The following CNTNAP5 variants were observed in gnomAD, a reference collection of about 807,000 sequenced individuals.
CNTNAP5 encodes contactin associated protein family member 5, also known as contactin-associated protein-like 5.
CNTNAP5 carries 72 observed loss-of-function variants against 150.2 expected under a neutral mutation model. The observed-to-expected ratio is 0.48, with a 90% confidence interval of 0.40 to 0.58. The LOEUF is 0.58. Ranked by LOEUF, CNTNAP5 falls within the 20% of genes least tolerant of loss-of-function variation. The probability of loss-of-function intolerance (pLI) is 0.00; values close to 1 mark genes in which losing one functional copy is unlikely to be tolerated. For synonymous variants in CNTNAP5, 672 were observed against 619.8 expected (o/e 1.08, Z -1.25); for missense variants, 1,636 against 1,626.2 (o/e 1.01, Z -0.10).
intron 14 of CNTNAP5, among the ~76,000 whole-genome samples, chr2:124,758,173 TGAA>T (rs1184230890): frequency 6.6e-6 from 1 of 151,958 alleles, no homozygotes; most frequent in Non-Finnish European, 1.5e-5. Flanking sequence ...TGGAGAGATA[TGAA>T]GAAGGTGAAA....
intron 3 of CNTNAP5, among the ~76,000 whole-genome samples, chr2:124,248,707 G>A (rs1269070624): frequency 6.6e-6 from 1 of 152,182 alleles, no homozygotes; most frequent in African/African-American, 2.4e-5. Flanking sequence ...TCTTTAAGGA[G>A]TAAATGCACT....
chr2:124,841,323 T>C (rs1682940439), intron 19 of CNTNAP5, among the ~76,000 whole-genome samples: 1 of 151,966 alleles, frequency 6.6e-6, no homozygotes, highest in Non-Finnish European at 1.5e-5. Flanking sequence ...TACTTTCTTC[T>C]ACTTCTTCCA....
chr2:124,264,889 A>G (rs1299371025), intron 3 of CNTNAP5, among the ~76,000 whole-genome samples: 1 of 152,174 alleles, frequency 6.6e-6, no homozygotes, highest in Non-Finnish European at 1.5e-5. Flanking sequence ...CGTGTATCTG[A>G]GTCTGTGTCT....
chr2:124,660,159 C>A (rs1294322690), intron 13 of CNTNAP5, among the ~76,000 whole-genome samples: 1 of 152,124 alleles, frequency 6.6e-6, no homozygotes, highest in Non-Finnish European at 1.5e-5. Flanking sequence ...GATTAACTCA[C>A]CTTCTTTCAC....
intron 11 of CNTNAP5, among the ~76,000 whole-genome samples, chr2:124,584,522 C>A (rs1346946957): frequency 1.3e-5 from 2 of 152,130 alleles, no homozygotes; most frequent in Non-Finnish European, 2.9e-5. Context: ...TTTCCTCAAA[C>A]CTCATGTGAA....
At chr2:124,056,928 A>T (rs1213961) in intron 1 of CNTNAP5, among the ~76,000 whole-genome samples, 150,988 of 152,302 alleles carry the variant, frequency 0.99, 74,858 homozygotes, top group South Asian at 1. Context: ...TCTCCAAGTT[A>T]CTGTTTTCTA....
chr2:124,622,261 G>A (rs1677633192), intron 12 of CNTNAP5, among the ~76,000 whole-genome samples: 1 of 152,070 alleles, frequency 6.6e-6, no homozygotes, highest in South Asian at 2.1e-4. Flanking sequence ...TGAGGATAAT[G>A]GCTTCCACCT....
intron 13 of CNTNAP5, among the ~76,000 whole-genome samples, chr2:124,704,587 G>A (rs1334986869): frequency 6.6e-6 from 1 of 152,104 alleles, no homozygotes; most frequent in East Asian, 1.9e-4. Context: ...ATGAGACAGA[G>A]TACTTCTTAT....
chr2:124,837,457 A>G (rs1338564066), intron 19 of CNTNAP5, among the ~76,000 whole-genome samples: 1 of 152,170 alleles, frequency 6.6e-6, no homozygotes, highest in Non-Finnish European at 1.5e-5. Flanking sequence ...ACATTGGCGA[A>G]AATAATTCAT....
chr2:124,470,364 G>C (rs1693479900), intron 6 of CNTNAP5, among the ~76,000 whole-genome samples: 1 of 152,046 alleles, frequency 6.6e-6, no homozygotes, highest in East Asian at 1.9e-4. Flanking sequence ...CTGCATGTAT[G>C]TCTTCTTTTG....
chr2:124,116,331 G>A (rs1004705967), intron 1 of CNTNAP5, among the ~76,000 whole-genome samples: 1 of 152,158 alleles, frequency 6.6e-6, no homozygotes, highest in African/African-American at 2.4e-5. Flanking sequence ...CCCATAGCAT[G>A]AGCACATGAC....
chr2:124,246,396 G>A lies in CNTNAP5; in HGVS notation c.381+4003G>A, dbSNP rs191533491. Among the ~76,000 whole-genome samples the A allele has an allele frequency of 3.9e-5, 6 of 152,148 alleles. No homozygotes were observed. The East Asian group carries it at 7.8e-4, about 20-fold the overall frequency. On this transcript the variant is annotated intron_variant, in intron 3 of 23. Coordinates refer to ENST00000682447, the MANE Select transcript of CNTNAP5 (RefSeq NM_001367498.1). ...ATTTATGCACAAGCCAGAGTCCCTCGCTTCACTAAATAATCAGGCATGAAG... is the reference window on the plus strand; with the variant it reads ...ATTTATGCACAAGCCAGAGTCCCTCACTTCACTAAATAATCAGGCATGAAG...
At chr2:124,052,765 T>C (rs944756823) in intron 1 of CNTNAP5, among the ~76,000 whole-genome samples, 5 of 152,200 alleles carry the variant, frequency 3.3e-5, no homozygotes, top group Non-Finnish European at 7.3e-5. Context: ...TTGGCTGACC[T>C]CTCTGAACTC....
chr2:124,164,473 T>G (rs1022204753), intron 1 of CNTNAP5, among the ~76,000 whole-genome samples: 1 of 152,232 alleles, frequency 6.6e-6, no homozygotes, highest in Non-Finnish European at 1.5e-5. Flanking sequence ...GTTTTATATG[T>G]ATATATACTT....
At chr2:124,460,569 T>G (rs1212050684) in intron 6 of CNTNAP5, among the ~76,000 whole-genome samples, 2 of 152,242 alleles carry the variant, frequency 1.3e-5, no homozygotes, top group African/African-American at 4.8e-5. Context: ...TTACTTTCAT[T>G]TATATCTATA....
chr2:124,358,023 A>T (rs1488150858), intron 3 of CNTNAP5, among the ~76,000 whole-genome samples: 1 of 151,290 alleles, frequency 6.6e-6, no homozygotes, highest in Non-Finnish European at 1.5e-5. Flanking sequence ...GGTCCTTCAC[A>T]TCCCTTGTAA....
In CNTNAP5 at chr2:124,828,989, G is replaced by A. The variant is rs187073426; in HGVS notation, c.3217+30669G>A. ...GACATCAAACCAGAATCACACCAAG[G>A]TTTTGGTGTAAGAGTACCTCTGGTC... On this transcript the variant is annotated intron_variant, in intron 19 of 23. Coordinates refer to ENST00000682447, the MANE Select transcript of CNTNAP5 (RefSeq NM_001367498.1). Among the ~76,000 whole-genome samples, 12 of 151,968 alleles carry A rather than the reference G, an allele frequency of 7.9e-5. No individual in the cohort carries two copies. In the East Asian group the frequency reaches 1.9e-3, roughly 25 times the overall value.
intron 19 of CNTNAP5, among the ~76,000 whole-genome samples, chr2:124,855,290 G>C (rs867135371): frequency 6.9e-6 from 1 of 144,284 alleles, no homozygotes; most frequent in Non-Finnish European, 1.5e-5. Flanking sequence ...CAATTGTCCT[G>C]TCTCAGCCTT....
At chr2:124,088,816 T>C (rs756390678) in intron 1 of CNTNAP5, among the ~76,000 whole-genome samples, 1 of 152,132 alleles carries the variant, frequency 6.6e-6, no homozygotes, top group Non-Finnish European at 1.5e-5. Flanking sequence ...TTGGCTTTAT[T>C]TGACACCACT....
Sources: allele counts gnomAD v4.1 joint callset (sites outside exome capture counted in the v4.1 genomes callset), GRCh38; gene constraint gnomAD v4.1.1; transcripts MANE v1.5; gene names NCBI Gene and HGNC (gene_info 2026-07-23, HGNC 2026-07-21).